Variants in MDGA2 observed in about 807,000 individuals in gnomAD.
MDGA2 encodes MAM domain-containing glycosylphosphatidylinositol anchor protein 2.
MDGA2 carries 40 observed loss-of-function variants against 117.8 expected under a neutral mutation model. The ratio of observed to expected loss-of-function variants is 0.34; its 90% confidence interval spans 0.26 to 0.44. The LOEUF is 0.44. Ranked by LOEUF, MDGA2 falls within the 20% of genes least tolerant of loss-of-function variation. The pLI is 1.00. For synonymous variants in MDGA2, 452 were observed against 439.0 expected, an observed-to-expected ratio of 1.03 and a Z score of -0.37; for missense variants, 1,123 against 1,250.6, an observed-to-expected ratio of 0.90 and a Z score of 1.54.
chr14:46,927,432 C>CAAATTAAACAAATTAAAATCA (rs1566529112), intron 9 of MDGA2, among the ~76,000 whole-genome samples: 1 of 151,978 alleles, frequency 6.6e-6, no homozygotes, highest in African/African-American at 2.4e-5. Context: ...AGAAATTAAA[C>CAAATTAAACAAATTAAAATCA]AATTGTATTT....
chr14:46,920,846 T>C (rs1173803029), intron 9 of MDGA2, among the ~76,000 whole-genome samples: 1 of 152,218 alleles, frequency 6.6e-6, no homozygotes, highest in Non-Finnish European at 1.5e-5. Flanking sequence ...TTGTATTACC[T>C]GCAGCTTTCA....
intron 2 of MDGA2, among the ~76,000 whole-genome samples, chr14:47,273,442 G>A (rs1888211626): frequency 6.6e-6 from 1 of 152,106 alleles, no homozygotes; most frequent in African/African-American, 2.4e-5. Flanking sequence ...GCTTAATGGT[G>A]CTTTAACGAA....
intron 1 of MDGA2, among the ~76,000 whole-genome samples, chr14:47,396,712 T>C (rs1416733119): frequency 1.3e-5 from 2 of 152,124 alleles, no homozygotes; most frequent in Non-Finnish European, 2.9e-5. Flanking sequence ...GACATTTATG[T>C]GGCCAACAAG....
chr14:47,032,992 A>T (rs1888716669), intron 8 of MDGA2, among the ~76,000 whole-genome samples: 1 of 152,178 alleles, frequency 6.6e-6, no homozygotes. Context: ...TCACCTTGGG[A>T]TGCAGACAAA....
chr14:46,946,059 T>C (rs2138595069), intron 9 of MDGA2, among the ~76,000 whole-genome samples: 1 of 152,216 alleles, frequency 6.6e-6, no homozygotes, highest in African/African-American at 2.4e-5. Context: ...TAATATGCTA[T>C]AACACAGATA....
intron 5 of MDGA2, among the ~76,000 whole-genome samples, chr14:47,106,007 T>A (rs985863701): frequency 6.6e-6 from 1 of 151,754 alleles, no homozygotes; most frequent in Non-Finnish European, 1.5e-5. Flanking sequence ...CCCAGCAATT[T>A]ACTCTTAAAA....
chr14:47,464,240 A>G (rs1893553146), intron 1 of MDGA2, among the ~76,000 whole-genome samples: 1 of 152,104 alleles, frequency 6.6e-6, no homozygotes. Flanking sequence ...AGGATAAAAT[A>G]ACACAAGGGA....
At chr14:47,246,307 C>T (rs1465770591) in intron 2 of MDGA2, among the ~76,000 whole-genome samples, 1 of 151,722 alleles carries the variant, frequency 6.6e-6, no homozygotes, top group Non-Finnish European at 1.5e-5. Flanking sequence ...CAGTCCTTCC[C>T]CCGATCCTGA....
chr14:47,323,883 G>A, intron 1 of MDGA2, among the ~76,000 whole-genome samples: 1 of 152,090 alleles, frequency 6.6e-6, no homozygotes, highest in East Asian at 1.9e-4. Flanking sequence ...CAAATCTTAA[G>A]TAACTAAATT....
At chr14:47,059,891 G>C (rs915347872) in intron 7 of MDGA2, among the ~76,000 whole-genome samples, 11 of 151,986 alleles carry the variant, frequency 7.2e-5, no homozygotes, top group Non-Finnish European at 1.6e-4. Flanking sequence ...TCTCTTACAG[G>C]AAATATTATA....
rs376042919 is a variant in MDGA2, at chr14:46,899,234, A to G, written c.2239-17013T>C. Among the ~76,000 whole-genome samples, 55 of 152,142 alleles carry G rather than the reference A, an allele frequency of 3.6e-4. 3 individuals carry two copies. In the South Asian group the frequency reaches 7.9e-3, roughly 22 times the overall value. ...GATAAAATTTGTAGGCAAACTGGCA[A>G]CCTGAGTGTTTTCTCTCCTCCCCAC... On this transcript the variant is annotated intron_variant, in intron 10 of 16. Transcript: ENST00000399232.
chr14:47,458,309 C>A (rs1893406300), intron 1 of MDGA2, among the ~76,000 whole-genome samples: 1 of 152,054 alleles, frequency 6.6e-6, no homozygotes, highest in Admixed American at 6.6e-5. Flanking sequence ...TACATTTTTG[C>A]TTTTGTTGCC....
chr14:47,186,014 A>G (rs930185919), intron 3 of MDGA2, among the ~76,000 whole-genome samples: 3 of 151,780 alleles, frequency 2.0e-5, no homozygotes, highest in African/African-American at 7.2e-5. Context: ...ATATGTGTAC[A>G]TATGTTCATA....
At chr14:47,205,335 T>C (rs1180509301) in intron 3 of MDGA2, among the ~76,000 whole-genome samples, 2 of 152,018 alleles carry the variant, frequency 1.3e-5, no homozygotes, top group African/African-American at 4.8e-5. Context: ...TATGATCTTA[T>C]GTCTATTCTT....
intron 2 of MDGA2, among the ~76,000 whole-genome samples, chr14:47,268,908 A>G (rs1888054699): frequency 6.6e-6 from 1 of 150,992 alleles, no homozygotes; most frequent in African/African-American, 2.4e-5. Flanking sequence ...AATATGATTT[A>G]AATAAATATG....
intron 1 of MDGA2, among the ~76,000 whole-genome samples, chr14:47,420,684 G>GC (rs1321845309): frequency 2.0e-5 from 3 of 152,032 alleles, no homozygotes; most frequent in African/African-American, 7.2e-5. Flanking sequence ...TTCTCATGAA[G>GC]CCATAGGTAT....
chr14:47,343,989 C>T (rs145431628), intron 1 of MDGA2, among the ~76,000 whole-genome samples: 58 of 152,256 alleles, frequency 3.8e-4, no homozygotes, highest in African/African-American at 1.3e-3. Context: ...TATACCTCCG[C>T]GCATCTAGAA....
intron 1 of MDGA2, among the ~76,000 whole-genome samples, chr14:47,647,319 T>A (rs1208535224): frequency 6.6e-6 from 1 of 152,170 alleles, no homozygotes; most frequent in Admixed American, 6.5e-5. Context: ...CATGGCCTAT[T>A]TCAAATGAAT....
intron 8 of MDGA2, among the ~76,000 whole-genome samples, chr14:46,974,819 G>T (rs1420945059): frequency 1.3e-5 from 2 of 151,964 alleles, no homozygotes; most frequent in Non-Finnish European, 2.9e-5. Flanking sequence ...GTAATTTTTT[G>T]GGTATGACAC....
Sources: gnomAD v4.1 joint callset for allele counts (sites outside exome capture counted in the v4.1 genomes callset) on GRCh38, gnomAD v4.1.1 for gene constraint, MANE v1.5 for transcripts, NCBI Gene and HGNC (gene_info 2026-07-23, HGNC 2026-07-21) for gene names.